Variants in SLC6A2 observed in about 807,000 individuals in gnomAD.
The protein encoded by SLC6A2 is sodium-dependent noradrenaline transporter.
In SLC6A2, 26 loss-of-function variants were observed where a neutral mutation model predicts 71.7. The observed-to-expected ratio is 0.36, with a 90% CI of 0.27 to 0.50. The LOEUF is 0.50. Ranked by LOEUF, SLC6A2 falls within the 20% of genes least tolerant of loss-of-function variation. SLC6A2 has a pLI of 0.96. For missense variants in SLC6A2, 581 were observed against 803.9 expected (o/e 0.72, Z 3.35); for synonymous variants, 363 against 337.9 (o/e 1.07, Z -0.82).
At position 55,676,229 on chromosome 16, in the gene SLC6A2, C is replaced by T. The variant is rs565997404; in HGVS notation, c.644+4054C>T. The stretch of plus-strand genomic sequence containing the variant: ...CCCAGAGGATCTGAATCACTGCTGT[C>T]ACTGAACATCAGCATCTGCTGTAAG... On this transcript the variant is annotated intron_variant, in intron 4 of 14. Transcript: ENST00000568943. 1.1e-4 allele frequency among the ~76,000 whole-genome samples: 17 copies of T among 152,338 alleles called. No individual in the cohort carries two copies. The South Asian group carries it at 3.3e-3, about 30-fold the overall frequency.
chr16:55,691,451 C>A (rs539664212), intron 5 of SLC6A2, among the ~76,000 whole-genome samples: 37 of 152,262 alleles, frequency 2.4e-4, no homozygotes, highest in African/African-American at 8.7e-4. Flanking sequence ...TTGCCAATGC[C>A]TGTATTCATA....
At chr16:55,697,200 T>A (rs1166648693) in intron 9 of SLC6A2, among the ~76,000 whole-genome samples, 6 of 152,232 alleles carry the variant, frequency 3.9e-5, no homozygotes, top group Non-Finnish European at 7.3e-5. Flanking sequence ...AGTCAGCAGA[T>A]CTGCCAGGAG....
At chr16:55,682,825 C>T (rs1184638918) in intron 4 of SLC6A2, among the ~76,000 whole-genome samples, 4 of 152,150 alleles carry the variant, frequency 2.6e-5, no homozygotes, top group Non-Finnish European at 5.9e-5. Flanking sequence ...CAGAGAAGAA[C>T]CCAGTGGGAT....
Position 55,696,342 on chromosome 16 carries a change from G to C in SLC6A2, c.1260+5G>C. 6.4e-7 allele frequency: 1 copy of C among 1,558,394 alleles called. No homozygotes were observed. Among genetic ancestry groups the C allele is most frequent in the Non-Finnish European group, 8.8e-7 (1 of 1,130,242 alleles). ...GCGCTGGGCCTTGACAGCTCAGTGA[G>C]TGACCCTGCTTAGGATACCTATCCC... On this transcript the variant is annotated splice_donor_5th_base_variant and intron_variant, in intron 9 of 14. Transcript: ENST00000568943.
In SLC6A2 at chr16:55,695,906, G is replaced by T. The variant is rs142872222; in HGVS notation, c.1148-319G>T. 2.0e-4 allele frequency among the ~76,000 whole-genome samples: 30 copies of T among 152,260 alleles called. No homozygotes were observed. The East Asian group carries it at 5.8e-3, about 29-fold the overall frequency. ...CAGAGAAGCTGAGACCTGGGGAAGG[G>T]CTACCTCTAATGCACTCCGAGGACC... On this transcript the variant is annotated intron_variant, in intron 8 of 14. Coordinates refer to ENST00000568943, the MANE Select transcript of SLC6A2 (RefSeq NM_001172501.3).
At position 55,705,315 on chromosome 16, in the gene SLC6A2, C is replaced by A; in HGVS notation, c.*2969C>A. The A allele has an allele frequency of 7.0e-7, 1 of 1,428,808 alleles. No homozygotes were observed. Among genetic ancestry groups the A allele is most frequent in the Non-Finnish European group, 9.5e-7 (1 of 1,051,968 alleles). 88.5% of individuals were successfully genotyped at this position (1,428,808 alleles called of 1,614,324 possible). A position where few individuals can be genotyped will look rare whatever the true frequency, so the allele number is the denominator to read the frequency against. Reference sequence around the variant, plus strand: ...TGCCTTAATTCTCAAAAGGAGTTACCGCTCAGCTGGGAGCCAGTTCCTGCT... The same window carrying A: ...TGCCTTAATTCTCAAAAGGAGTTACAGCTCAGCTGGGAGCCAGTTCCTGCT... On this transcript the variant is annotated 3_prime_UTR_variant, in exon 15 of 15. Coordinates refer to ENST00000568943, the MANE Select transcript of SLC6A2 (RefSeq NM_001172501.3).
At chr16:55,693,403 G>T (rs537725659) in intron 6 of SLC6A2, among the ~76,000 whole-genome samples, 3 of 152,188 alleles carry the variant, frequency 2.0e-5, no homozygotes, top group African/African-American at 7.2e-5. Context: ...CTTAGTCTGA[G>T]TGTGTGAGGT....
At chr16:55,665,563 A>T (rs1401089206) in intron 2 of SLC6A2, among the ~76,000 whole-genome samples, 1 of 152,036 alleles carries the variant, frequency 6.6e-6, no homozygotes, top group African/African-American at 2.4e-5. Context: ...TCCTCAACAA[A>T]CTAGGTGTCA....
intron 4 of SLC6A2, among the ~76,000 whole-genome samples, chr16:55,681,326 GGC>G (rs1965264960): frequency 6.6e-6 from 1 of 152,182 alleles, no homozygotes; most frequent in African/African-American, 2.4e-5. Context: ...ATCCCCAGGG[GGC>G]TGGAGCCATC....
At position 55,694,054 on chromosome 16, in the gene SLC6A2, T is replaced by G. The variant is rs767200471; in HGVS notation, c.963T>G (p.Ala321=). The change falls in exon 7 of 15, where the codon GCT becomes GCG. Residue 321 remains alanine (A), a synonymous_variant. Coordinates refer to ENST00000568943, the MANE Select transcript of SLC6A2 (RefSeq NM_001172501.3). ...CTCAGATATTTTTTTCCTTGGGGGC[T>G]GGATTTGGAGTATTGATTGCATTTG... ...AATQIFFSLG[A]GFGVLIAFAS... 7 of 1,613,852 alleles carry G rather than the reference T, an allele frequency of 4.3e-6. No individual in the cohort carries two copies. In the South Asian group the frequency reaches 6.6e-5, roughly 15 times the overall value.
At position 55,656,659 on chromosome 16, in the gene SLC6A2, C is replaced by G. The variant is rs201444263; in HGVS notation, c.-36C>G. Reference sequence around the variant, plus strand: ...ATCCAAGCAGAGCCTCGGCGTGCCCCCAGGACCGGTAAAGTTCCTCTCGCC... The same window carrying G: ...ATCCAAGCAGAGCCTCGGCGTGCCCGCAGGACCGGTAAAGTTCCTCTCGCC... On this transcript the variant is annotated 5_prime_UTR_variant, in exon 2 of 15. Coordinates refer to ENST00000568943, the MANE Select transcript of SLC6A2 (RefSeq NM_001172501.3). This position sits in a 1 kb window ranked among gnomAD's most constrained non-coding sequence, Gnocchi z 4.5. The G allele has an allele frequency of 8.3e-4, 1,333 of 1,610,792 alleles. 11 individuals carry two copies. The highest frequency in any genetic ancestry group is 6.4e-3 in the Middle Eastern group (29 of 4,554).
At chr16:55,685,432 G>A (rs568996788) in intron 5 of SLC6A2, 151 bp downstream of exon 5, 3 of 810,958 alleles carry the variant, frequency 3.7e-6, no homozygotes, top group East Asian at 5.0e-5. Context: ...CCACTGACTT[G>A]GACAAATCCC....
chr16:55,690,632 T>C (rs1965588262), intron 5 of SLC6A2, among the ~76,000 whole-genome samples: 1 of 152,192 alleles, frequency 6.6e-6, no homozygotes, highest in East Asian at 1.9e-4. Flanking sequence ...CAGCCTTCTT[T>C]CAGCAAGGCT....
intron 13 of SLC6A2, 30 bp downstream of exon 13, chr16:55,700,336 G>T (rs770405301): frequency 1.3e-6 from 2 of 1,593,400 alleles, no homozygotes; most frequent in African/African-American, 1.3e-5. Flanking sequence ...AGGGGAACAG[G>T]GTGGGAGGGG....
Position 55,702,306 on chromosome 16 carries a change from G to A in SLC6A2, c.1831-17G>A, listed in dbSNP as rs772997924. 34 of 1,613,800 alleles carry A rather than the reference G, an allele frequency of 2.1e-5. No individual in the cohort carries two copies. Among genetic ancestry groups the A allele is most frequent in the African/African-American group, 2.7e-5 (2 of 74,924 alleles). On this transcript the variant is annotated splice_polypyrimidine_tract_variant and intron_variant, in intron 14 of 14. Transcript: ENST00000568943. ...GTCCCCACCATGTCATCAAGTCCTCGCTGTCTTTCTCTGCAGTTGCAACAC... is the reference window on the plus strand; with the variant it reads ...GTCCCCACCATGTCATCAAGTCCTCACTGTCTTTCTCTGCAGTTGCAACAC...
chr16:55,699,748 C>T, intron 12 of SLC6A2, 94 bp downstream of exon 12: 2 of 910,646 alleles, frequency 2.2e-6, no homozygotes, highest in South Asian at 2.8e-5. Flanking sequence ...GGGGAGGAGG[C>T]TCTGGGATCC....
chr16:55,700,098 T>C (rs776364198), intron 12 of SLC6A2, 41 bp from the exon 13 acceptor site: 7 of 1,571,848 alleles, frequency 4.5e-6, no homozygotes, highest in East Asian at 4.5e-5. Flanking sequence ...GTCTCTCTTC[T>C]GTCCTGTCTT....
Position 55,703,743 on chromosome 16 carries a change from C to A in SLC6A2, c.*1397C>A. ...ATTCTGACTGTGGGAGCTCCTGTTG[C>A]GGGATCTTGGGAAAAAATAAAGAAG... On this transcript the variant is annotated 3_prime_UTR_variant, in exon 15 of 15. Coordinates refer to ENST00000568943, the MANE Select transcript of SLC6A2 (RefSeq NM_001172501.3). The A allele has an allele frequency of 2.0e-6, 2 of 985,272 alleles. No individual in the cohort carries two copies. Among genetic ancestry groups the A allele is most frequent in the Non-Finnish European group, 2.4e-6 (2 of 829,898 alleles). 61.0% of individuals were successfully genotyped at this position (985,272 alleles called of 1,614,324 possible).
chr16:55,705,138 A>G lies in SLC6A2; in HGVS notation c.*2792A>G, dbSNP rs1226587511. On this transcript the variant is annotated 3_prime_UTR_variant, in exon 15 of 15. Coordinates refer to ENST00000568943, the MANE Select transcript of SLC6A2 (RefSeq NM_001172501.3). ...ATTATTATTTTTCATGAAATGTAAA[A>G]TATCAGTTTGAGAACATCACATTTA... 1 of 1,041,006 alleles carries G rather than the reference A, an allele frequency of 9.6e-7. No homozygotes were observed. Among genetic ancestry groups the G allele is most frequent in the East Asian group, 2.6e-5 (1 of 38,626 alleles). 64.5% of individuals were successfully genotyped at this position (1,041,006 alleles called of 1,614,324 possible). A position where few individuals can be genotyped will look rare whatever the true frequency, so the allele number is the denominator to read the frequency against.
Sources: allele counts gnomAD v4.1 joint callset (sites outside exome capture counted in the v4.1 genomes callset), GRCh38; gene constraint gnomAD v4.1.1; non-coding constraint Gnocchi (gnomAD v3.1); transcripts MANE v1.5; gene names NCBI Gene and HGNC (gene_info 2026-07-23, HGNC 2026-07-21).